The following PIAS2 variants were observed in gnomAD, a reference collection of about 807,000 sequenced individuals.
The protein encoded by PIAS2 is E3 SUMO-protein ligase PIAS2.
A neutral mutation model predicts 69.7 loss-of-function variants in PIAS2; 19 were observed. That is an observed-to-expected ratio of 0.27 (90% CI 0.19 to 0.40). The LOEUF is 0.40. Among genes scored for constraint, PIAS2 ranks in the 10% least tolerant of loss-of-function variants. The probability of loss-of-function intolerance (pLI) is 1.00; values close to 1 mark genes in which losing one functional copy is unlikely to be tolerated. For missense variants in PIAS2, 624 were observed against 757.0 expected, an observed-to-expected ratio of 0.82 and a Z score of 2.06; for synonymous variants, 261 against 263.2, an observed-to-expected ratio of 0.99 and a Z score of 0.08.
rs558798168 is a variant in PIAS2, at chr18:46,808,091, T to G, written c.*4342A>C. 2 of 152,294 alleles carry G rather than the reference T, an allele frequency of 1.3e-5. No homozygotes were observed. The highest frequency in any genetic ancestry group is 1.3e-4 in the Admixed American group (2 of 15,292). The allele number at this position is 152,294 out of a possible 1,614,324, so 9.4% of individuals were successfully genotyped here. ...ATGAAACATGGCACATCCATAACAA[T>G]GGAGTACCATAAAATTAATAATAGT... On this transcript the variant is annotated 3_prime_UTR_variant, in exon 14 of 14. Transcript: ENST00000585916.
In PIAS2 at chr18:46,864,224, T is replaced by C; in HGVS notation, c.524A>G (p.Gln175Arg). The C allele has an allele frequency of 1.3e-6, 2 of 1,596,940 alleles. No individual in the cohort carries two copies. Among genetic ancestry groups the C allele is most frequent in the Non-Finnish European group, 1.7e-6 (2 of 1,172,094 alleles). ...SLVQSSIQRF[Q>R]EKFFIFALTP... is the part of the protein sequence containing the mutation. ...CAAAGCAAAAATAAAAAACTTCTCT[T>C]GAAATCGCTGAATACTGCTTTGAAC... The change falls in exon 3 of 14, where the codon CAA becomes CGA. Residue 175 changes from glutamine to arginine, a missense_variant. Coordinates refer to ENST00000585916, the MANE Select transcript of PIAS2 (RefSeq NM_004671.5).
At chr18:46,848,433 T>C (rs1424956383) in intron 5 of PIAS2, among the ~76,000 whole-genome samples, 3 of 152,192 alleles carry the variant, frequency 2.0e-5, no homozygotes, top group East Asian at 3.9e-4. Flanking sequence ...GCAATGATAA[T>C]ACGTCACAGC....
At chr18:46,912,937 A>C (rs1027945640) in intron 1 of PIAS2, among the ~76,000 whole-genome samples, 2 of 152,228 alleles carry the variant, frequency 1.3e-5, no homozygotes, top group African/African-American at 4.8e-5. Context: ...CACCCGCCCC[A>C]GGCTCCCAAA....
chr18:46,850,067 C>A (rs2046739193), intron 5 of PIAS2, among the ~76,000 whole-genome samples: 1 of 152,126 alleles, frequency 6.6e-6, no homozygotes, highest in Non-Finnish European at 1.5e-5. Context: ...CTCAAAATTT[C>A]TTTTCCTGTT....
chr18:46,833,429 T>C (rs1321011596), intron 9 of PIAS2, among the ~76,000 whole-genome samples: 2 of 152,170 alleles, frequency 1.3e-5, no homozygotes, highest in African/African-American at 2.4e-5. Context: ...TTAGGTGTGA[T>C]GGGTGTGTTC....
Position 46,844,137 on chromosome 18 carries a change from GA to G in PIAS2, c.968-11del, listed in dbSNP as rs2045823880. The G allele has an allele frequency of 1.6e-6, 2 of 1,244,330 alleles. No individual in the cohort carries two copies. The highest frequency in any genetic ancestry group is 3.2e-5 in the Admixed American group (1 of 31,284). 77.1% of individuals were successfully genotyped at this position (1,244,330 alleles called of 1,614,324 possible). On this transcript the variant is annotated splice_polypyrimidine_tract_variant and intron_variant, in intron 7 of 13. Transcript: ENST00000585916. Reference sequence around the variant, plus strand: ...GTAAGTTTTTCTTTAACTTTAAAAAGAAGAGAAAAAAAAAAATTTAAAAAAA... The same window carrying G: ...GTAAGTTTTTCTTTAACTTTAAAAAGAGAGAAAAAAAAAAATTTAAAAAAA...
At chr18:46,828,326 G>T (rs1253755101) in intron 10 of PIAS2, among the ~76,000 whole-genome samples, 196 bp from the exon 11 acceptor site, 1 of 152,152 alleles carries the variant, frequency 6.6e-6, no homozygotes, top group Admixed American at 6.6e-5. Flanking sequence ...CACCTAGGGA[G>T]ACAGGTGAGC....
intron 2 of PIAS2, among the ~76,000 whole-genome samples, chr18:46,876,817 C>G (rs1264386156): frequency 6.6e-6 from 1 of 152,046 alleles, no homozygotes; most frequent in Non-Finnish European, 1.5e-5. Flanking sequence ...CCGCCTCAGC[C>G]TCCCGAGTAG....
intron 1 of PIAS2, chr18:46,916,883 T>C: frequency 1.0e-6 from 1 of 985,404 alleles, no homozygotes; most frequent in Middle Eastern, 5.2e-4. Flanking sequence ...AAACGCAACT[T>C]CAGCTTTCAG....
intron 1 of PIAS2, among the ~76,000 whole-genome samples, chr18:46,894,688 T>C (rs1306491271): frequency 6.6e-6 from 1 of 152,114 alleles, no homozygotes; most frequent in East Asian, 1.9e-4. Context: ...CACAAAATTA[T>C]TAAAAATTTT....
In PIAS2 at chr18:46,912,556, A is replaced by G. The variant is rs568411137; in HGVS notation, c.24+4766T>C. 2.6e-5 allele frequency among the ~76,000 whole-genome samples: 4 copies of G among 152,350 alleles called. No individual in the cohort carries two copies. In the South Asian group the frequency reaches 8.3e-4, roughly 32 times the overall value. On this transcript the variant is annotated intron_variant, in intron 1 of 13. Transcript: ENST00000585916. Reference sequence around the variant, plus strand: ...CTAAAAGTGATAGGTCAATAAACAGAAATTTATAATAAAAAGTTAAAAATA... The same window carrying G: ...CTAAAAGTGATAGGTCAATAAACAGGAATTTATAATAAAAAGTTAAAAATA...
chr18:46,816,501 C>A (rs1189200519), intron 12 of PIAS2: 1 of 929,378 alleles, frequency 1.1e-6, no homozygotes, highest in African/African-American at 1.8e-5. Flanking sequence ...TTGGGAGACA[C>A]TGAGTCTGCT....
intron 1 of PIAS2, chr18:46,907,781 G>A (rs1391147430): frequency 6.6e-6 from 1 of 151,976 alleles, no homozygotes; most frequent in Non-Finnish European, 1.5e-5. Flanking sequence ...CCTATACATG[G>A]GTTCTGCAGG....
chr18:46,864,601 T>G (rs2049148636), intron 2 of PIAS2, among the ~76,000 whole-genome samples: 1 of 152,030 alleles, frequency 6.6e-6, no homozygotes, highest in Non-Finnish European at 1.5e-5. Context: ...AGAAACCCCA[T>G]CTCTACTAAA....
At chr18:46,917,163 TC>T in intron 1 of PIAS2, 158 bp downstream of exon 1, 1 of 1,087,590 alleles carries the variant, frequency 9.2e-7, no homozygotes, top group Non-Finnish European at 1.1e-6. Flanking sequence ...CCCGCTCCCC[TC>T]CCCCGCGCCC....
chr18:46,917,644 G>T, upstream of PIAS2: 1 of 788,206 alleles, frequency 1.3e-6, no homozygotes, highest in Non-Finnish European at 1.5e-6. Context: ...GCCCCGGCGT[G>T]CTGCCCCGCG....
rs575698508 is a variant in PIAS2 at position 46,826,312 on chromosome 18, T to TC, written c.1508+1646dup. Reference sequence around the variant, plus strand: ...TTTGTCGCCCACTGTGTATGTGCCATCCCTCCTGTTTCATGGACTTATCAA... The same window carrying TC: ...TTTGTCGCCCACTGTGTATGTGCCATCCCCTCCTGTTTCATGGACTTATCAA... On this transcript the variant is annotated intron_variant, in intron 11 of 13. Transcript: ENST00000585916. 2.2e-4 allele frequency among the ~76,000 whole-genome samples: 33 copies of TC among 152,312 alleles called. No homozygotes were observed. In the East Asian group the frequency reaches 6.4e-3, roughly 29 times the overall value.
At chr18:46,860,265 T>C (rs1221032050) in intron 3 of PIAS2, among the ~76,000 whole-genome samples, 1 of 152,236 alleles carries the variant, frequency 6.6e-6, no homozygotes, top group Non-Finnish European at 1.5e-5. Flanking sequence ...CCCCAGCTGA[T>C]GCTAATATGC....
chr18:46,847,729 G>A (rs1443573491), intron 5 of PIAS2, among the ~76,000 whole-genome samples: 1 of 152,116 alleles, frequency 6.6e-6, no homozygotes, highest in Non-Finnish European at 1.5e-5. Flanking sequence ...TGATCAGCCT[G>A]CCTCGGCCTT....
Sources: allele counts gnomAD v4.1 joint callset (sites outside exome capture counted in the v4.1 genomes callset), GRCh38; gene constraint gnomAD v4.1.1; transcripts MANE v1.5; gene names NCBI Gene and HGNC (gene_info 2026-07-23, HGNC 2026-07-21).